The following INTS6 variants were observed in gnomAD, a reference collection of about 807,000 sequenced individuals.
INTS6 encodes integrator complex subunit 6, also known as DEAD box protein.
Under a neutral mutation model 104.9 loss-of-function variants are expected in INTS6, and 16 were observed. The observed-to-expected ratio is 0.15, with a 90% CI of 0.10 to 0.23. The LOEUF (loss-of-function observed/expected upper bound fraction) is 0.23. INTS6 is among the 10% of genes least tolerant of loss of function. The pLI is 1.00. For missense variants in INTS6, 584 were observed against 1,062.8 expected, an observed-to-expected ratio of 0.55 and a Z score of 6.26; for synonymous variants, 324 against 358.7, an observed-to-expected ratio of 0.90 and a Z score of 1.09.
Position 51,361,651 on chromosome 13 carries a change from CT to C in INTS6, c.*4100del, listed in dbSNP as rs1955579169. The C allele has an allele frequency of 1.6e-6, 1 of 643,464 alleles. No individual in the cohort carries two copies. Among genetic ancestry groups the C allele is most frequent in the Non-Finnish European group, 2.6e-6 (1 of 386,496 alleles). The allele number at this position is 643,464 out of a possible 1,614,324, so 39.9% of individuals were successfully genotyped here. A position where few individuals can be genotyped will look rare whatever the true frequency, so the allele number is the denominator to read the frequency against. On this transcript the variant is annotated 3_prime_UTR_variant, in exon 18 of 18. Transcript: ENST00000311234. ...CAGGATTGGCTAAATGGCATCTTTT[CT>C]CTTTAATTTTCCCATCTGCACCCCC... is the stretch of plus-strand genomic sequence containing the variant.
At chr13:51,399,987 G>A (rs909712240) in intron 4 of INTS6, among the ~76,000 whole-genome samples, 3 of 152,222 alleles carry the variant, frequency 2.0e-5, no homozygotes, top group African/African-American at 7.2e-5. Flanking sequence ...AGCAGGAAGT[G>A]AGCAGTGGGC....
chr13:51,391,857 C>T (rs1050640663), intron 5 of INTS6, among the ~76,000 whole-genome samples: 2 of 152,070 alleles, frequency 1.3e-5, no homozygotes, highest in African/African-American at 4.8e-5. Context: ...TTAAAAAATT[C>T]TTGATATATT....
the INTS6 span, chr13:51,341,399 A>T: frequency 2.7e-6 from 4 of 1,494,994 alleles, no homozygotes; most frequent in Non-Finnish European, 3.6e-6. Context: ...TCACACTCAC[A>T]CTCTCTCCAG....
chr13:51,364,271 C>A lies in INTS6; in HGVS notation c.*1481G>T, dbSNP rs564736372. 2.7e-6 allele frequency: 4 copies of A among 1,477,682 alleles called. No individual in the cohort carries two copies. Among genetic ancestry groups the A allele is most frequent in the Admixed American group, 4.1e-5 (2 of 49,312 alleles). The allele number at this position is 1,477,682 out of a possible 1,614,324, so 91.5% of individuals were successfully genotyped here. A position where few individuals can be genotyped will look rare whatever the true frequency, so the allele number is the denominator to read the frequency against. ...CTTCAGTATTGGGAGAGTTTCAAAT[C>A]CCCTAGACTAAATGCATGTTCTCCA... On this transcript the variant is annotated 3_prime_UTR_variant, in exon 18 of 18. Coordinates refer to ENST00000311234, the MANE Select transcript of INTS6 (RefSeq NM_012141.3).
At chr13:51,451,233 C>T in intron 2 of INTS6, 59 bp from the exon 3 acceptor site, 2 of 1,355,878 alleles carry the variant, frequency 1.5e-6, no homozygotes, top group East Asian at 2.5e-5. Flanking sequence ...TACACAGAGC[C>T]GTTATAATCT....
chr13:51,383,510 C>A (rs773279906), intron 8 of INTS6, 49 bp from the exon 9 acceptor site: 3 of 1,605,850 alleles, frequency 1.9e-6, no homozygotes, highest in Admixed American at 3.4e-5. Flanking sequence ...AAGAATGTTA[C>A]ATAAACCATT....
At chr13:51,365,960 A>G (rs1955679048) in intron 17 of INTS6, 115 bp from the exon 18 acceptor site, 5 of 554,522 alleles carry the variant, frequency 9.0e-6, no homozygotes, top group Non-Finnish European at 1.6e-5. Flanking sequence ...AGTGAAATGA[A>G]AATAGAAAAA....
At chr13:51,403,729 T>G (rs1453574271) in intron 4 of INTS6, among the ~76,000 whole-genome samples, 2 of 152,132 alleles carry the variant, frequency 1.3e-5, no homozygotes, top group Non-Finnish European at 2.9e-5. Context: ...TAAGTTTTAA[T>G]GACCTATTTA....
At chr13:51,430,229 T>A in intron 4 of INTS6, 65 bp downstream of exon 4, 3 of 1,351,852 alleles carry the variant, frequency 2.2e-6, no homozygotes, top group Non-Finnish European at 3.2e-6. Flanking sequence ...GTGTTCAGTA[T>A]CCTACAAAAA....
chr13:51,358,571 G>C (rs530168476), downstream of INTS6, among the ~76,000 whole-genome samples: 1 of 152,048 alleles, frequency 6.6e-6, no homozygotes, highest in South Asian at 2.1e-4. Flanking sequence ...AGAACATTAA[G>C]GCCATTCGTA....
chr13:51,366,337 A>G (rs1454425316), intron 17 of INTS6, among the ~76,000 whole-genome samples: 1 of 152,016 alleles, frequency 6.6e-6, no homozygotes, highest in Non-Finnish European at 1.5e-5. Context: ...ATGGTATTCT[A>G]TTACAATTTG....
chr13:51,437,560 A>G (rs1043108887), intron 3 of INTS6: 3 of 152,254 alleles, frequency 2.0e-5, no homozygotes, highest in African/African-American at 7.2e-5. Flanking sequence ...GAAAATGAAG[A>G]ACTGCCTAAT....
chr13:51,399,450 G>A (rs993837221), intron 4 of INTS6, among the ~76,000 whole-genome samples: 1 of 152,032 alleles, frequency 6.6e-6, no homozygotes. Flanking sequence ...GAATTGTTTG[G>A]GTATGTTATG....
intron 4 of INTS6, 137 bp from the exon 5 acceptor site, chr13:51,395,620 T>C: frequency 1.4e-6 from 1 of 732,232 alleles, no homozygotes; most frequent in Non-Finnish European, 2.1e-6. Flanking sequence ...AAAAGCTTAC[T>C]TGTTCAGACA....
chr13:51,434,887 A>G (rs745566365), intron 3 of INTS6, among the ~76,000 whole-genome samples: 1 of 152,084 alleles, frequency 6.6e-6, no homozygotes, highest in Non-Finnish European at 1.5e-5. Flanking sequence ...TAACACCTCC[A>G]AAGTCTAAAT....
rs1231794394 is a variant in INTS6, at chr13:51,389,359, T to G, written c.699A>C (p.Ile233=). ...GATCTGGTCCTGCTTTTTCAAAGTTTATTACCACCCCACTTTGTACTTTCT... is the reference window on the plus strand; with the variant it reads ...GATCTGGTCCTGCTTTTTCAAAGTTGATTACCACCCCACTTTGTACTTTCT... ...LVQKVQSGVV[I]NFEKAGPDPS... Residue 233 remains isoleucine (I), a synonymous_variant, in exon 6 of 18, where the codon ATA becomes ATC. Transcript: ENST00000311234. 1 of 1,613,794 alleles carries G rather than the reference T, an allele frequency of 6.2e-7. No homozygotes were observed. Among genetic ancestry groups the G allele is most frequent in the Non-Finnish European group, 8.5e-7 (1 of 1,179,826 alleles).
chr13:51,404,309 AC>A (rs377649719), intron 4 of INTS6, among the ~76,000 whole-genome samples: 14 of 148,018 alleles, frequency 9.5e-5, no homozygotes, highest in African/African-American at 2.0e-4. Flanking sequence ...AAAAAAAAAA[AC>A]AAAACTGTGC....
intron 3 of INTS6, chr13:51,449,604 A>G (rs918254335): frequency 2.0e-6 from 2 of 985,230 alleles, no homozygotes; most frequent in African/African-American, 1.7e-5. Context: ...ACAACATGAC[A>G]ACCAAATAAA....
chr13:51,336,216 G>C, the INTS6 span, among the ~76,000 whole-genome samples: 1 of 152,236 alleles, frequency 6.6e-6, no homozygotes, highest in East Asian at 1.9e-4. Context: ...AGTTGGATGC[G>C]GTGGCTCACG....
Sources: allele counts gnomAD v4.1 joint callset (sites outside exome capture counted in the v4.1 genomes callset), GRCh38; gene constraint gnomAD v4.1.1; transcripts MANE v1.5; gene names NCBI Gene and HGNC (gene_info 2026-07-23, HGNC 2026-07-21).